GPC6: variants seen among roughly 807,000 people sequenced by gnomAD.
GPC6 encodes the protein glypican 6, also known as glypican-6.
In GPC6, 14 loss-of-function variants were observed where a neutral mutation model predicts 55.2. The observed-to-expected ratio is 0.25, with a 90% CI of 0.17 to 0.40. The LOEUF (loss-of-function observed/expected upper bound fraction) is 0.40. Ranked by LOEUF, GPC6 falls within the 10% of genes least tolerant of loss-of-function variation. The pLI is 1.00. For missense variants in GPC6, 641 were observed against 708.5 expected, an observed-to-expected ratio of 0.90 and a Z score of 1.08; for synonymous variants, 278 against 259.6, an observed-to-expected ratio of 1.07 and a Z score of -0.68.
At chr13:93,338,517 G>A (rs886302956) in intron 1 of GPC6, among the ~76,000 whole-genome samples, 6 of 152,086 alleles carry the variant, frequency 3.9e-5, no homozygotes, top group African/African-American at 1.4e-4. Context: ...TGCCTTTGCT[G>A]GATTTTAGAA....
At chr13:93,509,906 C>T (rs548221490) in intron 1 of GPC6, among the ~76,000 whole-genome samples, 4 of 152,268 alleles carry the variant, frequency 2.6e-5, no homozygotes, top group Admixed American at 6.5e-5. Flanking sequence ...GATTCTTAGG[C>T]GCCTGTGCAG....
intron 1 of GPC6, among the ~76,000 whole-genome samples, chr13:93,492,405 C>T (rs1398088566): frequency 1.3e-5 from 2 of 148,666 alleles, no homozygotes; most frequent in East Asian, 2.0e-4. Flanking sequence ...TGCTTATCAG[C>T]TTAAGGAGAT....
chr13:93,649,350 G>A (rs1880309365), intron 2 of GPC6, among the ~76,000 whole-genome samples: 1 of 152,102 alleles, frequency 6.6e-6, no homozygotes, highest in Non-Finnish European at 1.5e-5. Flanking sequence ...TACTCAGGAG[G>A]CTGAAGTTAG....
chr13:93,240,101 T>C (rs1324387348), intron 1 of GPC6, among the ~76,000 whole-genome samples: 2 of 152,124 alleles, frequency 1.3e-5, no homozygotes, highest in Non-Finnish European at 2.9e-5. Context: ...AGAATGTATA[T>C]TCTCTAGTTT....
intron 2 of GPC6, among the ~76,000 whole-genome samples, chr13:93,767,948 C>A (rs571808337): frequency 2.0e-5 from 3 of 151,892 alleles, no homozygotes; most frequent in Non-Finnish European, 2.9e-5. Flanking sequence ...GATTTGGTTT[C>A]TTAAGCTATT....
At chr13:93,444,192 C>A (rs371028740) in intron 1 of GPC6, among the ~76,000 whole-genome samples, 1 of 57,982 alleles carries the variant, frequency 1.7e-5, no homozygotes, top group Non-Finnish European at 4.8e-5. Context: ...AAATGCAATT[C>A]TTCTTTTTTT....
chr13:93,907,343 A>G (rs983414949), intron 3 of GPC6, among the ~76,000 whole-genome samples: 1 of 151,954 alleles, frequency 6.6e-6, no homozygotes, highest in Non-Finnish European at 1.5e-5. Flanking sequence ...TTTCTCTTCC[A>G]TTTTCAATGG....
At chr13:94,002,764 G>T (rs1197337681) in intron 3 of GPC6, among the ~76,000 whole-genome samples, 2 of 152,050 alleles carry the variant, frequency 1.3e-5, no homozygotes, top group Non-Finnish European at 2.9e-5. Flanking sequence ...TATAATTAGT[G>T]GCAGCCCTTA....
chr13:93,898,324 A>C (rs998364625), intron 3 of GPC6, among the ~76,000 whole-genome samples: 4 of 152,152 alleles, frequency 2.6e-5, no homozygotes, highest in African/African-American at 9.7e-5. Context: ...CTGTGGGCTC[A>C]CATTCTAGAA....
intron 4 of GPC6, among the ~76,000 whole-genome samples, chr13:94,110,708 A>G (rs1346356533): frequency 6.6e-6 from 1 of 152,204 alleles, no homozygotes; most frequent in Non-Finnish European, 1.5e-5. Flanking sequence ...AATTAGTTAA[A>G]TTAAAAATAA....
intron 4 of GPC6, among the ~76,000 whole-genome samples, chr13:94,116,576 C>CAG (rs1886437441): frequency 6.6e-6 from 1 of 152,064 alleles, no homozygotes; most frequent in African/African-American, 2.4e-5. Context: ...GTCATATTAT[C>CAG]CTGCCTCCTT....
chr13:93,565,648 G>T (rs567110298), intron 2 of GPC6, among the ~76,000 whole-genome samples: 9 of 152,262 alleles, frequency 5.9e-5, no homozygotes, highest in African/African-American at 2.2e-4. Context: ...GGTCAGCTGG[G>T]CACGGTGGCT....
chr13:94,106,237 A>G (rs1193206103), intron 4 of GPC6, among the ~76,000 whole-genome samples: 1 of 152,212 alleles, frequency 6.6e-6, no homozygotes, highest in Non-Finnish European at 1.5e-5. Context: ...GAAGATGTCA[A>G]TACTGCCAAG....
intron 2 of GPC6, among the ~76,000 whole-genome samples, chr13:93,802,007 A>G (rs1213850545): frequency 2.0e-5 from 3 of 152,186 alleles, no homozygotes; most frequent in Non-Finnish European, 4.4e-5. Flanking sequence ...TAATTGTTTC[A>G]ATAGGTAGTA....
At chr13:93,287,926 A>G (rs527840196) in intron 1 of GPC6, among the ~76,000 whole-genome samples, 22 of 152,282 alleles carry the variant, frequency 1.4e-4, no homozygotes, top group Admixed American at 5.2e-4. Flanking sequence ...CTGTTTAATA[A>G]TAGCAAGTGG....
chr13:93,458,279 T>C (rs1392807843), intron 1 of GPC6, among the ~76,000 whole-genome samples: 1 of 152,198 alleles, frequency 6.6e-6, no homozygotes, highest in Non-Finnish European at 1.5e-5. Flanking sequence ...AAATATCTTA[T>C]TTAACCCTCC....
the GPC6 span, among the ~76,000 whole-genome samples, chr13:93,218,451 G>C: frequency 3.9e-5 from 6 of 152,122 alleles, no homozygotes; most frequent in African/African-American, 1.2e-4. Context: ...ATCAAGATCA[G>C]TGCTATTTTC....
At chr13:93,482,075 A>T (rs572024509) in intron 1 of GPC6, among the ~76,000 whole-genome samples, 1 of 152,200 alleles carries the variant, frequency 6.6e-6, no homozygotes, top group South Asian at 2.1e-4. Context: ...TTAGGTCTTT[A>T]ATTTAGTTCA....
At chr13:93,906,886 T>C (rs1876698174) in intron 3 of GPC6, among the ~76,000 whole-genome samples, 1 of 152,214 alleles carries the variant, frequency 6.6e-6, no homozygotes, top group Non-Finnish European at 1.5e-5. Context: ...GAATTTGTTT[T>C]GTTAACTAGT....
Sources: allele counts gnomAD v4.1 joint callset (sites outside exome capture counted in the v4.1 genomes callset), GRCh38; gene constraint gnomAD v4.1.1; transcripts MANE v1.5; gene names NCBI Gene and HGNC (gene_info 2026-07-23, HGNC 2026-07-21).